Variants in NFYC observed in about 807,000 individuals in gnomAD.
NFYC encodes nuclear transcription factor Y subunit gamma.
A neutral mutation model predicts 53.1 loss-of-function variants in NFYC; 25 were observed. The observed-to-expected ratio is 0.47, with a 90% CI of 0.34 to 0.66. NFYC has a LOEUF of 0.66. Among genes scored for constraint, NFYC ranks in the 30% least tolerant of loss-of-function variants. NFYC has a pLI of 0.01. For missense variants in NFYC, 260 were observed against 422.7 expected (o/e 0.62, Z 3.38); for synonymous variants, 145 against 152.6 (o/e 0.95, Z 0.37).
Position 40,771,329 on chromosome 1 carries a change from G to A in NFYC, c.*501G>A, listed in dbSNP as rs1254436288. On this transcript the variant is annotated 3_prime_UTR_variant, in exon 10 of 10. Coordinates refer to ENST00000447388, the MANE Select transcript of NFYC (RefSeq NM_014223.5). ...GTGTGTAGCTGCTTTTTCACTCGTG[G>A]TCCTCTCCCCATCCCTTGCTCTGAC... The A allele has an allele frequency of 2.4e-6, 1 of 409,760 alleles. No homozygotes were observed. The highest frequency in any genetic ancestry group is 1.8e-5 in the South Asian group (1 of 55,844). The allele number at this position is 409,760 out of a possible 1,614,324, so 25.4% of individuals were successfully genotyped here. A position where few individuals can be genotyped will look rare whatever the true frequency, so the allele number is the denominator to read the frequency against.
chr1:40,725,086 T>A (rs754537682), intron 1 of NFYC, among the ~76,000 whole-genome samples: 9 of 152,230 alleles, frequency 5.9e-5, no homozygotes, highest in African/African-American at 9.6e-5. Flanking sequence ...TATGACCAGC[T>A]GGTACCCAGC....
At chr1:40,704,272 C>T (rs7520281) in intron 1 of NFYC, among the ~76,000 whole-genome samples, 80,170 of 151,838 alleles carry the variant, frequency 0.53, 21,536 homozygotes, top group Non-Finnish European at 0.59. Flanking sequence ...GGGGTTTCAC[C>T]GTGTTAGCCA....
chr1:40,757,922 C>G (rs1038566851), intron 5 of NFYC, 199 bp from the exon 6 acceptor site: 3 of 608,598 alleles, frequency 4.9e-6, no homozygotes, highest in African/African-American at 3.7e-5. Context: ...TTTTGTGAAG[C>G]CTATAGGATC....
intron 2 of NFYC, among the ~76,000 whole-genome samples, chr1:40,744,326 G>A (rs1332644592): frequency 6.6e-6 from 1 of 152,192 alleles, no homozygotes; most frequent in Non-Finnish European, 1.5e-5. Context: ...GATTCAGTTG[G>A]TCTCCAGGAG....
At chr1:40,692,870 T>A (rs192775362) in intron 1 of NFYC, among the ~76,000 whole-genome samples, 74 of 152,316 alleles carry the variant, frequency 4.9e-4, no homozygotes, top group Non-Finnish European at 9.7e-4. Context: ...AGTGTATTAA[T>A]AGAACAGTTA....
chr1:40,718,249 C>A (rs988830994), intron 1 of NFYC, among the ~76,000 whole-genome samples: 5 of 152,204 alleles, frequency 3.3e-5, no homozygotes, highest in African/African-American at 1.2e-4. Context: ...TATTTGGTAT[C>A]TACCTAATGT....
At position 40,771,457 on chromosome 1, in the gene NFYC, T is replaced by A. The variant is rs1023820038; in HGVS notation, c.*629T>A. ...AGAGTGGGTGGATTCATTGCCACAC[T>A]CTTTTCTCCCAGGGACCCAGGAAAC... On this transcript the variant is annotated 3_prime_UTR_variant, in exon 10 of 10. Transcript: ENST00000447388. The A allele has an allele frequency of 4.3e-6, 2 of 470,558 alleles. No homozygotes were observed. Among genetic ancestry groups the A allele is most frequent in the East Asian group, 7.0e-5 (1 of 14,382 alleles). The allele number at this position is 470,558 out of a possible 1,614,324, so 29.1% of individuals were successfully genotyped here.
rs1319640538 is a variant in NFYC, at chr1:40,767,159, C to T, written c.828+456C>T. 12 of 606,966 alleles carry T rather than the reference C, an allele frequency of 2.0e-5. No homozygotes were observed. The South Asian group carries it at 2.0e-4, about 10-fold the overall frequency. The allele number at this position is 606,966 out of a possible 1,614,324, so 37.6% of individuals were successfully genotyped here. ...AGAAAAATTGCCCTTCTCCTCTCCT[C>T]TCGTGCCCTACAATATTGATGGCTA... On this transcript the variant is annotated intron_variant, in intron 8 of 9. Transcript: ENST00000447388.
intron 3 of NFYC, among the ~76,000 whole-genome samples, chr1:40,748,123 A>G (rs1404580481): frequency 6.6e-6 from 1 of 151,506 alleles, no homozygotes; most frequent in African/African-American, 2.4e-5. Flanking sequence ...GGTGTGAGCC[A>G]CCGCATCTGG....
chr1:40,733,735 A>T (rs1644884634), intron 1 of NFYC, among the ~76,000 whole-genome samples: 1 of 149,814 alleles, frequency 6.7e-6, no homozygotes, highest in African/African-American at 2.5e-5. Flanking sequence ...ATGCCTATTT[A>T]AAAATTTTTT....
intron 1 of NFYC, among the ~76,000 whole-genome samples, chr1:40,727,377 C>CTGA (rs1360520565): frequency 8.4e-5 from 9 of 106,816 alleles, no homozygotes; most frequent in Non-Finnish European, 1.6e-4. Flanking sequence ...GCATGTGCCA[C>CTGA]CACAACCAGC....
chr1:40,735,570 G>A (rs1361830035), intron 1 of NFYC: 1 of 984,880 alleles, frequency 1.0e-6, no homozygotes, highest in Non-Finnish European at 1.2e-6. Flanking sequence ...AGGACAGCCA[G>A]AATTTGTTAC....
intron 1 of NFYC, among the ~76,000 whole-genome samples, chr1:40,719,637 T>G (rs1205599718): frequency 6.6e-6 from 1 of 152,192 alleles, no homozygotes; most frequent in Non-Finnish European, 1.5e-5. Flanking sequence ...GGTATCTTGA[T>G]TTTTTTGGAG....
intron 1 of NFYC, chr1:40,709,713 A>T (rs560825669): frequency 6.6e-6 from 1 of 152,172 alleles, no homozygotes; most frequent in African/African-American, 2.4e-5. Context: ...GCCACTTTAC[A>T]TTCCATGCAT....
intron 1 of NFYC, among the ~76,000 whole-genome samples, chr1:40,706,251 T>C: frequency 6.6e-6 from 1 of 152,112 alleles, no homozygotes; most frequent in Admixed American, 6.5e-5. Context: ...TTGTAACTTC[T>C]TTGAACCTCA....
chr1:40,747,841 G>GTT (rs1227259090), intron 3 of NFYC, among the ~76,000 whole-genome samples: 45 of 136,970 alleles, frequency 3.3e-4, no homozygotes, highest in African/African-American at 7.2e-4. Context: ...TTGATGTTGG[G>GTT]TTTTTTTTTT....
chr1:40,718,712 A>G (rs1414375403), intron 1 of NFYC, among the ~76,000 whole-genome samples: 1 of 152,212 alleles, frequency 6.6e-6, no homozygotes, highest in Non-Finnish European at 1.5e-5. Flanking sequence ...TTCCAAATAG[A>G]TATGTGGTTA....
At chr1:40,700,223 A>G (rs1643365845) in intron 1 of NFYC, among the ~76,000 whole-genome samples, 1 of 152,236 alleles carries the variant, frequency 6.6e-6, no homozygotes, top group Non-Finnish European at 1.5e-5. Context: ...AACAATAATA[A>G]TAGTAGCAGG....
In NFYC at chr1:40,714,772, C is replaced by T. The variant is rs562502524; in HGVS notation, c.-9+22905C>T. 4.6e-4 allele frequency among the ~76,000 whole-genome samples: 70 copies of T among 152,146 alleles called. 3 individuals carry two copies. In the South Asian group the frequency reaches 0.014, roughly 31 times the overall value. ...GGGACTACAGATGCACGCTACTAGG[C>T]CTGGCTAATTAAAAAAAAATTTTGA... On this transcript the variant is annotated intron_variant, in intron 1 of 9. Coordinates refer to ENST00000447388, the MANE Select transcript of NFYC (RefSeq NM_014223.5).
Sources: gnomAD v4.1 joint callset for allele counts (sites outside exome capture counted in the v4.1 genomes callset) on GRCh38, gnomAD v4.1.1 for gene constraint, MANE v1.5 for transcripts, NCBI Gene and HGNC (gene_info 2026-07-23, HGNC 2026-07-21) for gene names.